The following LRP1B variants were observed in gnomAD, a reference collection of about 807,000 sequenced individuals.
LRP1B encodes the protein LDL receptor related protein 1B, also known as low-density lipoprotein receptor-related protein 1B.
In LRP1B, 217 loss-of-function variants were observed where a neutral mutation model predicts 556.6. The observed-to-expected ratio is 0.39, with a 90% CI of 0.35 to 0.44. LRP1B has a LOEUF of 0.44. LRP1B is among the 20% of genes least tolerant of loss of function. The pLI, the probability that LRP1B is intolerant of heterozygous loss-of-function variation, is 1.00. For missense variants in LRP1B, 5,053 were observed against 5,620.8 expected, an observed-to-expected ratio of 0.90 and a Z score of 3.23; for synonymous variants, 2,047 against 1,865.8, an observed-to-expected ratio of 1.10 and a Z score of -2.50.
chr2:141,029,612 G>C (rs747752551), intron 11 of LRP1B, among the ~76,000 whole-genome samples: 3 of 152,096 alleles, frequency 2.0e-5, no homozygotes, highest in Admixed American at 2.0e-4. Flanking sequence ...GGGATCCGCA[G>C]CTGTGGCACA....
intron 86 of LRP1B, among the ~76,000 whole-genome samples, chr2:140,255,421 C>A (rs1458793751): frequency 4.6e-5 from 7 of 152,106 alleles, no homozygotes; most frequent in Admixed American, 2.0e-4. Flanking sequence ...TCATAAATAT[C>A]TTTACATATT....
intron 3 of LRP1B, among the ~76,000 whole-genome samples, chr2:141,291,855 CAAAAAAAAAAAAAAAAAAAAAAA>C (rs143819331): frequency 1.0e-4 from 10 of 99,312 alleles, no homozygotes; most frequent in South Asian, 3.4e-4. Context: ...GACTCTGTCT[CAAAAAAAAAAAAAAAAAAAAAAA>C]AAAAAAAAAA....
chr2:140,394,045 T>C (rs951002713), intron 66 of LRP1B, among the ~76,000 whole-genome samples: 5 of 152,082 alleles, frequency 3.3e-5, no homozygotes, highest in African/African-American at 1.2e-4. Context: ...GATTACAAGT[T>C]CACCCAAAGT....
At chr2:141,747,327 T>G (rs1470556424) in intron 2 of LRP1B, among the ~76,000 whole-genome samples, 1 of 152,234 alleles carries the variant, frequency 6.6e-6, no homozygotes, top group African/African-American at 2.4e-5. Flanking sequence ...AGCAAAAATG[T>G]TTTATTCAAT....
At chr2:141,281,044 C>G (rs948558794) in intron 3 of LRP1B, among the ~76,000 whole-genome samples, 1 of 151,892 alleles carries the variant, frequency 6.6e-6, no homozygotes, top group African/African-American at 2.4e-5. Context: ...TCTAGACAGG[C>G]CTTATCAAAT....
chr2:142,042,453 T>C (rs112297321), intron 1 of LRP1B, among the ~76,000 whole-genome samples: 78 of 151,496 alleles, frequency 5.1e-4, no homozygotes, highest in Middle Eastern at 3.4e-3. Context: ...AATTCAGAAG[T>C]TTTATCCTCT....
intron 43 of LRP1B, among the ~76,000 whole-genome samples, chr2:140,592,319 A>T (rs1682259997): frequency 6.6e-6 from 1 of 152,022 alleles, no homozygotes; most frequent in African/African-American, 2.4e-5. Context: ...AAATTAATTT[A>T]CCTTTTCTGG....
At chr2:141,413,651 C>T (rs2104947356) in intron 3 of LRP1B, among the ~76,000 whole-genome samples, 1 of 152,286 alleles carries the variant, frequency 6.6e-6, no homozygotes, top group East Asian at 1.9e-4. Context: ...GTGACTCCCA[C>T]CTGTAATCCC....
chr2:140,740,374 G>A (rs189516272), intron 35 of LRP1B, among the ~76,000 whole-genome samples: 196 of 152,284 alleles, frequency 1.3e-3, no homozygotes, highest in African/African-American at 4.4e-3. Context: ...TGACCTGGAT[G>A]AGATTGGAGA....
chr2:140,751,778 A>G (rs1688588546), intron 35 of LRP1B, among the ~76,000 whole-genome samples: 1 of 152,204 alleles, frequency 6.6e-6, no homozygotes, highest in African/African-American at 2.4e-5. Context: ...TTGGAGAAAG[A>G]TGTTTAAACC....
intron 1 of LRP1B, among the ~76,000 whole-genome samples, chr2:141,828,026 A>G (rs960879321): frequency 2.0e-5 from 3 of 151,884 alleles, no homozygotes; most frequent in African/African-American, 7.3e-5. Flanking sequence ...GTATTTAGAT[A>G]TTGTTTGAGC....
chr2:140,474,999 A>AT (rs1380053464), intron 60 of LRP1B, 139 bp downstream of exon 60: 1 of 326,944 alleles, frequency 3.1e-6, no homozygotes, highest in African/African-American at 2.2e-5. Flanking sequence ...ATTTACCAAT[A>AT]TTTTTATAAA....
chr2:141,699,191 G>A (rs1043588698), intron 2 of LRP1B, among the ~76,000 whole-genome samples: 2 of 151,692 alleles, frequency 1.3e-5, no homozygotes, highest in Admixed American at 6.6e-5. Context: ...ATCATCTGGG[G>A]AGCTTGAAAA....
intron 3 of LRP1B, among the ~76,000 whole-genome samples, chr2:141,423,257 T>C (rs886455715): frequency 4.6e-5 from 7 of 151,446 alleles, no homozygotes; most frequent in African/African-American, 1.7e-4. Context: ...TGCAGCTGTT[T>C]ATAACTGCCC....
At chr2:141,392,480 AAGAG>A (rs1553507609) in intron 3 of LRP1B, among the ~76,000 whole-genome samples, 6 of 134,552 alleles carry the variant, frequency 4.5e-5, no homozygotes, top group Admixed American at 7.2e-5. Context: ...AAAAAAAAAA[AAGAG>A]AGACTGTCAC....
At chr2:141,270,579 G>T (rs1685053106) in intron 3 of LRP1B, among the ~76,000 whole-genome samples, 1 of 152,000 alleles carries the variant, frequency 6.6e-6, no homozygotes, top group Admixed American at 6.6e-5. Flanking sequence ...TATAGCATTT[G>T]CATAAAGTGG....
chr2:140,868,224 G>T lies in LRP1B; in HGVS notation c.4209C>A (p.Arg1403=). ...CACCACTCATAGAGGCAGATTCAAT[G>T]CGAGGAAAATTTGCATCCCAGTCTG... The part of the protein sequence containing the change: ...FWTDWDANFP[R]IESASMSGAG... Residue 1403 remains arginine, a synonymous_variant, in exon 26 of 91, where the codon CGC becomes CGA. Coordinates refer to ENST00000389484, the MANE Select transcript of LRP1B (RefSeq NM_018557.3). The T allele has an allele frequency of 6.3e-7, 1 of 1,594,752 alleles. No homozygotes were observed. The highest frequency in any genetic ancestry group is 8.5e-7 in the Non-Finnish European group (1 of 1,173,118).
intron 18 of LRP1B, among the ~76,000 whole-genome samples, chr2:140,953,110 A>T (rs981974075): frequency 6.6e-6 from 1 of 152,162 alleles, no homozygotes; most frequent in African/African-American, 2.4e-5. Context: ...TTTGTTTTTG[A>T]TATGGAGTCT....
intron 2 of LRP1B, among the ~76,000 whole-genome samples, chr2:141,523,694 G>A (rs1411809417): frequency 6.6e-6 from 1 of 152,080 alleles, no homozygotes; most frequent in Non-Finnish European, 1.5e-5. Context: ...CAGGTTGAGA[G>A]GACTCTAAAT....
Sources: allele counts gnomAD v4.1 joint callset (sites outside exome capture counted in the v4.1 genomes callset), GRCh38; gene constraint gnomAD v4.1.1; transcripts MANE v1.5; gene names NCBI Gene and HGNC (gene_info 2026-07-23, HGNC 2026-07-21).